The following NXPH1 variants were observed in gnomAD, a reference collection of about 807,000 sequenced individuals.
The protein encoded by NXPH1 is neurexophilin 1.
Under a neutral mutation model 23.7 loss-of-function variants are expected in NXPH1, and 5 were observed. The observed-to-expected ratio is 0.21, with a 90% CI of 0.11 to 0.44. The LOEUF (loss-of-function observed/expected upper bound fraction) is 0.44, where lower values mean the gene tolerates loss of function less well. NXPH1 is among the 20% of genes least tolerant of loss of function. The pLI, the probability that NXPH1 is intolerant of heterozygous loss-of-function variation, is 0.99. For synonymous variants in NXPH1, 144 were observed against 122.2 expected (o/e 1.18, Z -1.18); for missense variants, 324 against 321.6 (o/e 1.01, Z -0.06).
chr7:8,454,287 G>T (rs913116203), intron 2 of NXPH1, among the ~76,000 whole-genome samples: 3 of 152,160 alleles, frequency 2.0e-5, no homozygotes, highest in Admixed American at 6.5e-5. Context: ...AAAGTTAGTG[G>T]ACTGCCTTTG....
At chr7:8,481,454 G>T (rs778021165) in intron 2 of NXPH1, among the ~76,000 whole-genome samples, 1 of 151,966 alleles carries the variant, frequency 6.6e-6, no homozygotes, top group African/African-American at 2.4e-5. Context: ...GAGGGTATTG[G>T]GAAATAAAAT....
At chr7:8,655,339 C>T (rs184246048) in intron 2 of NXPH1, among the ~76,000 whole-genome samples, 4 of 151,638 alleles carry the variant, frequency 2.6e-5, no homozygotes, top group Admixed American at 2.0e-4. Flanking sequence ...GAGCTGAGAT[C>T]GCGCTACTGC....
intron 2 of NXPH1, among the ~76,000 whole-genome samples, chr7:8,524,074 C>G (rs1327941057): frequency 6.6e-6 from 1 of 151,876 alleles, no homozygotes; most frequent in Non-Finnish European, 1.5e-5. Context: ...GAAACCCCTT[C>G]TCTACTAAAA....
chr7:8,454,625 C>T (rs1165068984), intron 2 of NXPH1, among the ~76,000 whole-genome samples: 1 of 152,104 alleles, frequency 6.6e-6, no homozygotes, highest in African/African-American at 2.4e-5. Flanking sequence ...TATCTTTCCT[C>T]CTCTATGATA....
At chr7:8,663,263 T>A (rs1820708027) in intron 2 of NXPH1, among the ~76,000 whole-genome samples, 1 of 152,100 alleles carries the variant, frequency 6.6e-6, no homozygotes, top group Non-Finnish European at 1.5e-5. Flanking sequence ...TAATTCTGCC[T>A]TATCATCCCT....
chr7:8,585,303 C>A (rs1818958102), intron 2 of NXPH1, among the ~76,000 whole-genome samples: 1 of 152,128 alleles, frequency 6.6e-6, no homozygotes, highest in East Asian at 1.9e-4. Context: ...CCTGTGGGGT[C>A]CAAATGAGGT....
intron 2 of NXPH1, among the ~76,000 whole-genome samples, chr7:8,652,476 A>G (rs982329915): frequency 6.6e-6 from 1 of 152,140 alleles, no homozygotes; most frequent in South Asian, 2.1e-4. Flanking sequence ...TATATTTTGT[A>G]TATAACAAAA....
chr7:8,614,405 T>C (rs1203686650), intron 2 of NXPH1, among the ~76,000 whole-genome samples: 1 of 151,742 alleles, frequency 6.6e-6, no homozygotes, highest in African/African-American at 2.4e-5. Context: ...GCTATATATA[T>C]GTATTCATAT....
intron 2 of NXPH1, among the ~76,000 whole-genome samples, chr7:8,492,333 A>G (rs1031492303): frequency 1.3e-4 from 20 of 152,144 alleles, no homozygotes; most frequent in African/African-American, 4.8e-4. Context: ...CTAAATTTGG[A>G]GTCAGAAGAT....
chr7:8,452,186 C>T (rs555949500), intron 2 of NXPH1, among the ~76,000 whole-genome samples: 29 of 152,296 alleles, frequency 1.9e-4, no homozygotes, highest in African/African-American at 3.6e-4. Flanking sequence ...CACCAGAATA[C>T]GTTTTTGATA....
Position 8,551,327 on chromosome 7 carries a change from A to G in NXPH1, c.54+115560A>G, listed in dbSNP as rs188527174. On this transcript the variant is annotated intron_variant, in intron 2 of 2. Coordinates refer to ENST00000405863, the MANE Select transcript of NXPH1 (RefSeq NM_152745.3). ...GCTACTGTATGTTGTGATCAAAATG[A>G]TGAATTCTGAGCAAACTTGGTTAAA... Among the ~76,000 whole-genome samples, 15 of 151,684 alleles carry G rather than the reference A, an allele frequency of 9.9e-5. No individual in the cohort carries two copies. In the East Asian group the frequency reaches 2.9e-3, roughly 30 times the overall value.
chr7:8,517,819 C>G (rs1156750948), intron 2 of NXPH1, among the ~76,000 whole-genome samples: 3 of 152,120 alleles, frequency 2.0e-5, no homozygotes, highest in Admixed American at 1.3e-4. Flanking sequence ...ACATAATGCA[C>G]TGGGAGAGAG....
chr7:8,662,827 G>C (rs1583219755), intron 2 of NXPH1, among the ~76,000 whole-genome samples: 1 of 151,966 alleles, frequency 6.6e-6, no homozygotes, highest in East Asian at 1.9e-4. Flanking sequence ...TACTAGTGTT[G>C]TTTCTTAAAT....
intron 2 of NXPH1, among the ~76,000 whole-genome samples, chr7:8,540,357 T>C (rs925377872): frequency 2.0e-5 from 3 of 151,810 alleles, no homozygotes; most frequent in African/African-American, 7.3e-5. Flanking sequence ...CAAGAATTAA[T>C]AAAATGTGTG....
At chr7:8,531,634 T>C (rs1323505182) in intron 2 of NXPH1, among the ~76,000 whole-genome samples, 1 of 152,204 alleles carries the variant, frequency 6.6e-6, no homozygotes, top group Admixed American at 6.5e-5. Flanking sequence ...ATGTGACATC[T>C]ATAAAGGTAG....
chr7:8,490,070 A>G (rs56983419), intron 2 of NXPH1, among the ~76,000 whole-genome samples: 2,680 of 152,178 alleles, frequency 0.018, 80 homozygotes, highest in African/African-American at 0.06. Context: ...GTCCTTCAGT[A>G]TCCTACTGAC....
At chr7:8,683,191 T>A (rs1001592017) in intron 2 of NXPH1, among the ~76,000 whole-genome samples, 1 of 152,132 alleles carries the variant, frequency 6.6e-6, no homozygotes, top group Admixed American at 6.5e-5. Context: ...ACAAGAGAGA[T>A]GTCAGGCTCT....
At chr7:8,667,754 C>G (rs1820796060) in intron 2 of NXPH1, among the ~76,000 whole-genome samples, 1 of 152,080 alleles carries the variant, frequency 6.6e-6, no homozygotes, top group Non-Finnish European at 1.5e-5. Flanking sequence ...TCTGTGATCA[C>G]TTATTTGCAT....
chr7:8,478,953 ATGT>A (rs1343658010), intron 2 of NXPH1, among the ~76,000 whole-genome samples: 3 of 152,098 alleles, frequency 2.0e-5, no homozygotes, highest in African/African-American at 7.2e-5. Context: ...GACCCAAATA[ATGT>A]TGTTCCCTTG....
Sources: allele counts gnomAD v4.1 joint callset (sites outside exome capture counted in the v4.1 genomes callset), GRCh38; gene constraint gnomAD v4.1.1; transcripts MANE v1.5; gene names NCBI Gene and HGNC (gene_info 2026-07-23, HGNC 2026-07-21).